LMNB1: variants seen among roughly 807,000 people sequenced by gnomAD.
LMNB1 encodes lamin B1.
LMNB1 carries 23 observed loss-of-function variants against 67.1 expected under a neutral mutation model. The observed-to-expected ratio is 0.34, with a 90% CI of 0.25 to 0.49. The LOEUF is 0.49. Ranked by LOEUF, LMNB1 falls within the 20% of genes least tolerant of loss-of-function variation. LMNB1 has a pLI of 0.99. For missense variants in LMNB1, 634 were observed against 746.5 expected (o/e 0.85, Z 1.76); for synonymous variants, 281 against 282.9 (o/e 0.99, Z 0.07).
chr5:126,811,013 A>G (rs1284198008), intron 4 of LMNB1, among the ~76,000 whole-genome samples: 1 of 152,270 alleles, frequency 6.6e-6, no homozygotes, highest in African/African-American at 2.4e-5. Flanking sequence ...TTAGAATATT[A>G]GAGTCACAGA....
intron 1 of LMNB1, among the ~76,000 whole-genome samples, chr5:126,780,049 G>A (rs958403373): frequency 2.0e-5 from 3 of 151,094 alleles, no homozygotes; most frequent in African/African-American, 7.3e-5. Flanking sequence ...AAAAAAATCC[G>A]GGCGTGGTGG....
At chr5:126,808,913 C>T (rs1054703604) in intron 3 of LMNB1, among the ~76,000 whole-genome samples, 2 of 151,410 alleles carry the variant, frequency 1.3e-5, no homozygotes, top group Non-Finnish European at 2.9e-5. Flanking sequence ...TCCAGCTCAG[C>T]TGCCCAGGCT....
chr5:126,806,950 T>C (rs1051444726), intron 3 of LMNB1, among the ~76,000 whole-genome samples: 2 of 152,094 alleles, frequency 1.3e-5, no homozygotes, highest in Admixed American at 1.3e-4. Flanking sequence ...GCTAATTTTT[T>C]GTATTTTTAA....
intron 6 of LMNB1, 164 bp downstream of exon 6, chr5:126,819,306 G>T: frequency 1.9e-6 from 1 of 540,108 alleles, no homozygotes; most frequent in Non-Finnish European, 3.3e-6. Context: ...CTACCTCATC[G>T]CAGAAAATGT....
chr5:126,816,119 A>G (rs1266733235), intron 5 of LMNB1, among the ~76,000 whole-genome samples: 1 of 151,732 alleles, frequency 6.6e-6, no homozygotes, highest in East Asian at 1.9e-4. Context: ...TCTTTTGGAG[A>G]AAAAGAAAAT....
chr5:126,800,208 C>T (rs1463364169), intron 1 of LMNB1, among the ~76,000 whole-genome samples: 2 of 152,142 alleles, frequency 1.3e-5, no homozygotes, highest in Non-Finnish European at 2.9e-5. Context: ...TCATTTTACC[C>T]ACATTCCAGT....
At chr5:126,781,483 C>CTT (rs35434010) in intron 1 of LMNB1, among the ~76,000 whole-genome samples, 2 of 148,128 alleles carry the variant, frequency 1.4e-5, no homozygotes, top group African/African-American at 4.9e-5. Context: ...TAATGTCTTT[C>CTT]TTTTTTTTTT....
At chr5:126,782,630 A>G (rs927302193) in intron 1 of LMNB1, among the ~76,000 whole-genome samples, 1 of 151,958 alleles carries the variant, frequency 6.6e-6, no homozygotes, top group African/African-American at 2.4e-5. Context: ...GCTCACTGCA[A>G]CCTCTGCCTC....
chr5:126,786,248 A>T (rs973299193), intron 1 of LMNB1, among the ~76,000 whole-genome samples: 1 of 149,744 alleles, frequency 6.7e-6, no homozygotes, highest in Non-Finnish European at 1.5e-5. Flanking sequence ...TCAGCCTCCC[A>T]AGTAGCTGGG....
At position 126,832,794 on chromosome 5, in the gene LMNB1, A is replaced by G; in HGVS notation, c.1712A>G (p.His571Arg). ...AGVVVEEELF[H>R]QQGTPRASNR... ...GTGGTTGTTGAGGAAGAACTTTTCC[A>G]CCAGCAGGTATTACTTTATTTATTT... Residue 571 changes from histidine (H) to arginine (R), a missense_variant, in exon 10 of 11, where the codon CAC becomes CGC. Physicochemically the swap from His to Arg is conservative, Grantham distance 29. Transcript: ENST00000261366. 6.3e-7 allele frequency: 1 copy of G among 1,589,204 alleles called. No individual in the cohort carries two copies. Among genetic ancestry groups the G allele is most frequent in the Non-Finnish European group, 8.6e-7 (1 of 1,160,214 alleles).
intron 8 of LMNB1, among the ~76,000 whole-genome samples, chr5:126,824,105 C>G (rs1330682640): frequency 6.6e-6 from 1 of 152,126 alleles, no homozygotes; most frequent in Non-Finnish European, 1.5e-5. Flanking sequence ...TAATGTGATA[C>G]TTTTTTCCCT....
chr5:126,792,180 T>A (rs182817249), intron 1 of LMNB1, among the ~76,000 whole-genome samples: 2 of 149,548 alleles, frequency 1.3e-5, no homozygotes, highest in African/African-American at 4.9e-5. Context: ...TCTTACTCTG[T>A]CACCCAGACT....
chr5:126,811,078 A>G (rs1003101982), intron 4 of LMNB1, among the ~76,000 whole-genome samples: 1 of 152,210 alleles, frequency 6.6e-6, no homozygotes, highest in African/African-American at 2.4e-5. Flanking sequence ...CTTTTTATCT[A>G]TTGTATGAAG....
At chr5:126,828,174 G>A (rs1180379280) in intron 9 of LMNB1, among the ~76,000 whole-genome samples, 1 of 152,208 alleles carries the variant, frequency 6.6e-6, no homozygotes, top group Non-Finnish European at 1.5e-5. Flanking sequence ...ATCCCTCACT[G>A]TAACCATGTC....
intron 4 of LMNB1, among the ~76,000 whole-genome samples, chr5:126,811,400 T>C (rs1751574602): frequency 6.6e-6 from 1 of 152,222 alleles, no homozygotes; most frequent in Non-Finnish European, 1.5e-5. Flanking sequence ...GTATTGGATT[T>C]GGTGGGTTAG....
At chr5:126,805,888 C>G (rs562108418) in intron 3 of LMNB1, among the ~76,000 whole-genome samples, 192 bp downstream of exon 3, 1 of 152,118 alleles carries the variant, frequency 6.6e-6, no homozygotes, top group Non-Finnish European at 1.5e-5. Context: ...GCTAAAAGAC[C>G]GCATTTGAGA....
At chr5:126,819,511 A>T (rs1449210913) in intron 6 of LMNB1, among the ~76,000 whole-genome samples, 1 of 142,700 alleles carries the variant, frequency 7.0e-6, no homozygotes, top group Non-Finnish European at 1.5e-5. Flanking sequence ...TATTTTTGAG[A>T]CAGAGTCTCA....
intron 7 of LMNB1, 101 bp from the exon 8 acceptor site, chr5:126,822,679 AG>A: frequency 1.6e-6 from 1 of 625,678 alleles, no homozygotes; most frequent in South Asian, 2.2e-5. Context: ...ATGACCATAA[AG>A]CGGTCTTAGT....
chr5:126,836,343 C>A lies in LMNB1; in HGVS notation c.*79C>A. 1.1e-6 allele frequency: 1 copy of A among 900,112 alleles called. No homozygotes were observed. The highest frequency in any genetic ancestry group is 1.7e-6 in the Non-Finnish European group (1 of 583,246). The allele number at this position is 900,112 out of a possible 1,614,324, so 55.8% of individuals were successfully genotyped here. ...ACAGTGCAGAGCCTTCTCAGAAGCACAGAATATTTTTATATTTCCTTTATG... is the reference window on the plus strand; with the variant it reads ...ACAGTGCAGAGCCTTCTCAGAAGCAAAGAATATTTTTATATTTCCTTTATG... On this transcript the variant is annotated 3_prime_UTR_variant, in exon 11 of 11. Transcript: ENST00000261366.
Sources: gnomAD v4.1 joint callset for allele counts (sites outside exome capture counted in the v4.1 genomes callset) on GRCh38, gnomAD v4.1.1 for gene constraint, MANE v1.5 for transcripts, NCBI Gene and HGNC (gene_info 2026-07-23, HGNC 2026-07-21) for gene names.